Variants in GIGYF2 observed in about 807,000 individuals in gnomAD.
GIGYF2 encodes GRB10-interacting GYF protein 2.
GIGYF2 carries 25 observed loss-of-function variants against 208.1 expected under a neutral mutation model. That is an observed-to-expected ratio of 0.12 (90% CI 0.09 to 0.17). GIGYF2 has a LOEUF of 0.17. Ranked by LOEUF, GIGYF2 falls within the 10% of genes least tolerant of loss-of-function variation. The pLI is 1.00. For synonymous variants in GIGYF2, 534 were observed against 543.8 expected (o/e 0.98, Z 0.25); for missense variants, 1,302 against 1,579.4 (o/e 0.82, Z 2.98).
At chr2:232,724,207 A>ATTTTTTT (rs1163865821) in intron 2 of GIGYF2, among the ~76,000 whole-genome samples, 18 of 114,228 alleles carry the variant, frequency 1.6e-4, no homozygotes, top group Non-Finnish European at 1.9e-4. Context: ...ACACCTGGCT[A>ATTTTTTT]TTTTTTTTTT....
intron 2 of GIGYF2, among the ~76,000 whole-genome samples, chr2:232,707,165 T>C (rs960552676): frequency 2.0e-5 from 3 of 152,118 alleles, no homozygotes; most frequent in African/African-American, 7.2e-5. Flanking sequence ...GTAGGAAGAA[T>C]GATAGTAAAA....
chr2:232,769,762 T>A (rs1397202301), intron 8 of GIGYF2, among the ~76,000 whole-genome samples: 1 of 152,128 alleles, frequency 6.6e-6, no homozygotes, highest in Admixed American at 6.6e-5. Flanking sequence ...GAATTATGTT[T>A]TAAGTGCTTA....
At chr2:232,815,549 G>T in intron 18 of GIGYF2, 88 bp from the exon 19 acceptor site, 1 of 780,554 alleles carries the variant, frequency 1.3e-6, no homozygotes, top group East Asian at 2.6e-5. Context: ...TTAGGCACAG[G>T]GAAGCAGCTT....
Position 232,718,369 on chromosome 2 carries a change from G to A in GIGYF2, c.-44+14880G>A, listed in dbSNP as rs561874755. On this transcript the variant is annotated intron_variant, in intron 2 of 28. Transcript: ENST00000373563. ...TCACCTTAGCCTCCCACAGTGCTGG[G>A]ATTATAGGCATGAGCCACCGCACCT... 2.0e-5 allele frequency among the ~76,000 whole-genome samples: 3 copies of A among 152,240 alleles called. No individual in the cohort carries two copies. The South Asian group carries it at 6.2e-4, about 32-fold the overall frequency.
intron 2 of GIGYF2, among the ~76,000 whole-genome samples, chr2:232,709,283 G>A (rs912969573): frequency 2.0e-5 from 3 of 152,136 alleles, no homozygotes; most frequent in African/African-American, 7.2e-5. Flanking sequence ...AGTGAATGGT[G>A]GCTTTTATGA....
At chr2:232,823,917 CTCTG>C (rs1400709857) in intron 21 of GIGYF2, among the ~76,000 whole-genome samples, 2 of 152,190 alleles carry the variant, frequency 1.3e-5, no homozygotes, top group African/African-American at 4.8e-5. Flanking sequence ...CTCACTTTGT[CTCTG>C]TGTCACACTT....
intron 2 of GIGYF2, among the ~76,000 whole-genome samples, chr2:232,713,481 T>C (rs1391190066): frequency 6.6e-6 from 1 of 152,254 alleles, no homozygotes; most frequent in Non-Finnish European, 1.5e-5. Flanking sequence ...ATTCCAGTTA[T>C]TAACATCTTA....
In GIGYF2 at chr2:232,812,382, CT is replaced by C; in HGVS notation, c.2007-5del. 2 of 1,158,458 alleles carry C rather than the reference CT, an allele frequency of 1.7e-6. No individual in the cohort carries two copies. Among genetic ancestry groups the C allele is most frequent in the South Asian group, 1.2e-5 (1 of 81,550 alleles). The allele number at this position is 1,158,458 out of a possible 1,614,324, so 71.8% of individuals were successfully genotyped here. A position where few individuals can be genotyped will look rare whatever the true frequency, so the allele number is the denominator to read the frequency against. ...AAGAACAAGTTAATTTTTTATTTCCCTTTTGCAGAATATCTGATCAGAACAT... is the reference window on the plus strand; with the variant it reads ...AAGAACAAGTTAATTTTTTATTTCCCTTTGCAGAATATCTGATCAGAACAT... On this transcript the variant is annotated splice_polypyrimidine_tract_variant and splice_region_variant and intron_variant, in intron 17 of 28. Coordinates refer to ENST00000373563, the MANE Select transcript of GIGYF2 (RefSeq NM_001103146.3).
chr2:232,803,434 G>T (rs1000668633), intron 14 of GIGYF2, among the ~76,000 whole-genome samples: 21 of 151,390 alleles, frequency 1.4e-4, no homozygotes, highest in East Asian at 1.4e-3. Flanking sequence ...GGTTTTTTTT[G>T]TGTGTGTGTG....
At chr2:232,852,912 G>A (rs935369329) in intron 28 of GIGYF2, among the ~76,000 whole-genome samples, 1 of 152,144 alleles carries the variant, frequency 6.6e-6, no homozygotes, top group Non-Finnish European at 1.5e-5. Flanking sequence ...GAAAGGAAGG[G>A]ACTTTAAAAA....
chr2:232,836,967 C>T (rs1005942389), intron 22 of GIGYF2, among the ~76,000 whole-genome samples: 1 of 152,182 alleles, frequency 6.6e-6, no homozygotes, highest in African/African-American at 2.4e-5. Flanking sequence ...GAAGTGGGCA[C>T]AGTGGTCTGC....
At chr2:232,729,231 C>T (rs1048075400) in intron 2 of GIGYF2, among the ~76,000 whole-genome samples, 2 of 152,178 alleles carry the variant, frequency 1.3e-5, no homozygotes, top group African/African-American at 4.8e-5. Context: ...CTGCATGCCT[C>T]AGCTTCCCAA....
rs139629333 is a variant in GIGYF2, at chr2:232,716,525, A to G, written c.-44+13036A>G. Among the ~76,000 whole-genome samples, 100 of 152,008 alleles carry G rather than the reference A, an allele frequency of 6.6e-4. 1 individual carries two copies. The East Asian group carries it at 0.018, about 27-fold the overall frequency. On this transcript the variant is annotated intron_variant, in intron 2 of 28. Transcript: ENST00000373563. Reference sequence around the variant, plus strand: ...ATCCCTACTAGCTGGGATTGCAGGCATGTGCCACCACACCTGGCTAATTTC... The same window carrying G: ...ATCCCTACTAGCTGGGATTGCAGGCGTGTGCCACCACACCTGGCTAATTTC...
intron 22 of GIGYF2, among the ~76,000 whole-genome samples, chr2:232,838,421 A>G (rs1439945310): frequency 3.3e-5 from 5 of 152,148 alleles, no homozygotes; most frequent in Admixed American, 3.3e-4. Flanking sequence ...GTGAGGATAG[A>G]TGGCCATTTC....
chr2:232,823,391 G>T (rs1701157315), intron 21 of GIGYF2, among the ~76,000 whole-genome samples: 2 of 134,814 alleles, frequency 1.5e-5, no homozygotes, highest in Admixed American at 8.0e-5. Context: ...TTATTGAGAT[G>T]GTCTCACACT....
chr2:232,795,899 A>G (rs1336779379), intron 13 of GIGYF2, among the ~76,000 whole-genome samples, 163 bp from the exon 14 acceptor site: 1 of 152,046 alleles, frequency 6.6e-6, no homozygotes. Flanking sequence ...TGGGGATAGT[A>G]CCTGTTTCAT....
intron 21 of GIGYF2, among the ~76,000 whole-genome samples, chr2:232,829,947 G>A (rs936948534): frequency 6.6e-6 from 1 of 152,006 alleles, no homozygotes; most frequent in Admixed American, 6.6e-5. Flanking sequence ...TCTCTCTGGT[G>A]TTCATTCATT....
At chr2:232,713,277 C>T (rs1253745452) in intron 2 of GIGYF2, among the ~76,000 whole-genome samples, 1 of 152,070 alleles carries the variant, frequency 6.6e-6, no homozygotes, top group African/African-American at 2.4e-5. Flanking sequence ...AGGGTTTCAC[C>T]ATGTTGGCCA....
chr2:232,768,406 G>C (rs1334094242), intron 8 of GIGYF2: 1 of 1,614,052 alleles, frequency 6.2e-7, no homozygotes. Flanking sequence ...ATTTCAGACG[G>C]TAGGTAGGAT....
Sources: gnomAD v4.1 joint callset for allele counts (sites outside exome capture counted in the v4.1 genomes callset) on GRCh38, gnomAD v4.1.1 for gene constraint, MANE v1.5 for transcripts, NCBI Gene and HGNC (gene_info 2026-07-23, HGNC 2026-07-21) for gene names.